Variants in PAPPA2 observed in about 807,000 individuals in gnomAD.
The protein encoded by PAPPA2 is pappalysin-2.
Under a neutral mutation model 176.4 loss-of-function variants are expected in PAPPA2, and 86 were observed. The ratio of observed to expected loss-of-function variants is 0.49; its 90% confidence interval spans 0.41 to 0.58. The LOEUF (loss-of-function observed/expected upper bound fraction) is 0.58. Ranked by LOEUF, PAPPA2 falls within the 20% of genes least tolerant of loss-of-function variation. PAPPA2 has a pLI of 0.00. For synonymous variants in PAPPA2, 809 were observed against 852.2 expected, an observed-to-expected ratio of 0.95 and a Z score of 0.88; for missense variants, 2,073 against 2,256.9, an observed-to-expected ratio of 0.92 and a Z score of 1.65.
intron 3 of PAPPA2, among the ~76,000 whole-genome samples, chr1:176,668,802 A>G (rs565003145): frequency 2.0e-5 from 3 of 152,180 alleles, no homozygotes; most frequent in African/African-American, 7.2e-5. Flanking sequence ...TTGACGACAT[A>G]TATCTGTATC....
rs116137838 is a variant in PAPPA2 at position 176,629,202 on chromosome 1, G to T, written c.1991+33607G>T. On this transcript the variant is annotated intron_variant, in intron 3 of 22. Transcript: ENST00000367662. ...TCAGGAGAAACTTAGTCCATCAGAA[G>T]GTGTTTCCCCCATCAATTGTTTAGA... Among the ~76,000 whole-genome samples, 471 of 152,250 alleles carry T rather than the reference G, an allele frequency of 3.1e-3. 1 individual carries two copies. The highest frequency in any genetic ancestry group is 0.01 in the African/African-American group (435 of 41,542).
intron 3 of PAPPA2, among the ~76,000 whole-genome samples, chr1:176,629,775 A>G (rs1411516930): frequency 6.6e-6 from 1 of 152,200 alleles, no homozygotes; most frequent in African/African-American, 2.4e-5. Flanking sequence ...ACTGGAATAT[A>G]AGGACAAACA....
intron 20 of PAPPA2, among the ~76,000 whole-genome samples, chr1:176,797,862 A>T (rs1431437794): frequency 6.6e-6 from 1 of 152,162 alleles, no homozygotes; most frequent in Non-Finnish European, 1.5e-5. Flanking sequence ...TGGCATATAC[A>T]TATATTTATA....
chr1:176,692,075 C>A, intron 5 of PAPPA2, 51 bp from the exon 6 acceptor site: 5 of 1,522,406 alleles, frequency 3.3e-6, no homozygotes, highest in African/African-American at 1.4e-5. Context: ...CCTTGGTGGA[C>A]TTGATGGGTT....
chr1:176,498,517 A>G (rs1210363891), intron 1 of PAPPA2, among the ~76,000 whole-genome samples: 1 of 152,118 alleles, frequency 6.6e-6, no homozygotes, highest in Non-Finnish European at 1.5e-5. Context: ...TGGGTGGCCA[A>G]GGTGGGTGGA....
chr1:176,548,624 G>A (rs1316335433), intron 1 of PAPPA2, among the ~76,000 whole-genome samples: 5 of 152,038 alleles, frequency 3.3e-5, no homozygotes, highest in African/African-American at 7.3e-5. Flanking sequence ...CTCTGGAAAC[G>A]CGCAGTTCTT....
intron 1 of PAPPA2, among the ~76,000 whole-genome samples, chr1:176,481,599 A>G (rs1215411058): frequency 6.6e-6 from 1 of 152,222 alleles, no homozygotes; most frequent in African/African-American, 2.4e-5. Flanking sequence ...ACTTCATCAA[A>G]GGGGCAAATC....
chr1:176,821,781 A>G (rs1666675934), intron 21 of PAPPA2, among the ~76,000 whole-genome samples: 1 of 152,214 alleles, frequency 6.6e-6, no homozygotes, highest in Non-Finnish European at 1.5e-5. Flanking sequence ...GTTAGTAGGA[A>G]GTGAAATTAT....
At chr1:176,821,648 T>G (rs1666671729) in intron 21 of PAPPA2, among the ~76,000 whole-genome samples, 1 of 152,286 alleles carries the variant, frequency 6.6e-6, no homozygotes. Flanking sequence ...TCATGGTAGA[T>G]AGCTGGGCAC....
chr1:176,667,373 T>G (rs907072876), intron 3 of PAPPA2, among the ~76,000 whole-genome samples: 1 of 152,048 alleles, frequency 6.6e-6, no homozygotes, highest in African/African-American at 2.4e-5. Flanking sequence ...GGGCTGGAGC[T>G]CTTTACAGAG....
rs1448955701 is a variant in PAPPA2, at chr1:176,735,283, G to T, written c.3799-4343G>T. Among the ~76,000 whole-genome samples, 5 of 152,074 alleles carry T rather than the reference G, an allele frequency of 3.3e-5. No individual in the cohort carries two copies. In the East Asian group the frequency reaches 9.6e-4, roughly 29 times the overall value. Reference sequence around the variant, plus strand: ...CCTGCCTACTTTTCTTCTGGTCTAAGGTCTTCTGTTTCCCTGTGGAATCAG... The same window carrying T: ...CCTGCCTACTTTTCTTCTGGTCTAATGTCTTCTGTTTCCCTGTGGAATCAG... On this transcript the variant is annotated intron_variant, in intron 12 of 22. Transcript: ENST00000367662.
At chr1:176,703,470 G>C (rs1465881624) in intron 9 of PAPPA2, among the ~76,000 whole-genome samples, 1 of 152,188 alleles carries the variant, frequency 6.6e-6, no homozygotes, top group African/African-American at 2.4e-5. Flanking sequence ...TAACTTTAAT[G>C]CTCATCTATT....
chr1:176,518,507 G>T (rs1244357440), intron 1 of PAPPA2, among the ~76,000 whole-genome samples: 1 of 151,694 alleles, frequency 6.6e-6, no homozygotes, highest in Non-Finnish European at 1.5e-5. Context: ...AAACTTTCAG[G>T]CCTTTAAGTT....
At chr1:176,652,720 T>C (rs1657802435) in intron 3 of PAPPA2, among the ~76,000 whole-genome samples, 2 of 151,754 alleles carry the variant, frequency 1.3e-5, no homozygotes, top group African/African-American at 2.4e-5. Context: ...GGTTGAGACA[T>C]GGACAGTTAG....
rs2102947613 is a variant in PAPPA2 at position 176,798,947 on chromosome 1, C to T, written c.5131-1114C>T. Among the ~76,000 whole-genome samples, 2 of 152,322 alleles carry T rather than the reference C, an allele frequency of 1.3e-5. 1 individual carries two copies. Among genetic ancestry groups the T allele is most frequent in the South Asian group, 4.1e-4 (2 of 4,824 alleles). On this transcript the variant is annotated intron_variant, in intron 20 of 22. Transcript: ENST00000367662. ...CAGAAAAATATTGCAGATCCCCATT[C>T]TCCTACCTGACTATGAGGTATATAT... is the stretch of plus-strand genomic sequence containing the variant.
chr1:176,812,307 T>C (rs1666188410), intron 21 of PAPPA2, among the ~76,000 whole-genome samples: 2 of 152,080 alleles, frequency 1.3e-5, no homozygotes, highest in Non-Finnish European at 2.9e-5. Context: ...GCCTGCAGAA[T>C]TGCCATCACA....
chr1:176,468,501 G>C lies in PAPPA2; in HGVS notation c.-917+5083G>C, dbSNP rs113475366. On this transcript the variant is annotated intron_variant, in intron 1 of 22. Coordinates refer to ENST00000367662, the MANE Select transcript of PAPPA2 (RefSeq NM_020318.3). ...TCTTCTCTATTCCTCCTAGCTAAGT[G>C]CTGGCAAAGTGGTCAGGGAGGTTCA... Among the ~76,000 whole-genome samples the C allele has an allele frequency of 5.1e-3, 780 of 152,182 alleles. 8 individuals are homozygous for C. Among genetic ancestry groups the C allele is most frequent in the African/African-American group, 0.018 (743 of 41,520 alleles).
intron 3 of PAPPA2, among the ~76,000 whole-genome samples, chr1:176,605,475 C>T (rs1159701019): frequency 1.3e-5 from 2 of 152,236 alleles, no homozygotes; most frequent in Admixed American, 6.5e-5. Context: ...AGTTCATTCT[C>T]ACCATTCATG....
At chr1:176,764,210 A>G (rs1663829867) in intron 14 of PAPPA2, among the ~76,000 whole-genome samples, 1 of 152,172 alleles carries the variant, frequency 6.6e-6, no homozygotes, top group South Asian at 2.1e-4. Flanking sequence ...CCACATTGGG[A>G]ATGAAATTTC....
Sources: gnomAD v4.1 joint callset for allele counts (sites outside exome capture counted in the v4.1 genomes callset) on GRCh38, gnomAD v4.1.1 for gene constraint, MANE v1.5 for transcripts, NCBI Gene and HGNC (gene_info 2026-07-23, HGNC 2026-07-21) for gene names.